The following NDUFA12 variants were observed in gnomAD, a reference collection of about 807,000 sequenced individuals.
NDUFA12 encodes NADH dehydrogenase [ubiquinone] 1 alpha subcomplex subunit 12.
In NDUFA12, 17 loss-of-function variants were observed where a neutral mutation model predicts 20.3. The ratio of observed to expected loss-of-function variants is 0.84; its 90% CI spans 0.57 to 1.26. NDUFA12 has a LOEUF of 1.26. NDUFA12 is among the 50% of genes most tolerant of loss of function. The pLI, the probability that NDUFA12 is intolerant of heterozygous loss-of-function variation, is 0.00. For missense variants in NDUFA12, 191 were observed against 183.7 expected, an observed-to-expected ratio of 1.04 and a Z score of -0.23; for synonymous variants, 72 against 63.6, an observed-to-expected ratio of 1.13 and a Z score of -0.63.
At chr12:95,003,533 C>T in intron 1 of NDUFA12, 62 bp downstream of exon 1, 1 of 1,562,816 alleles carries the variant, frequency 6.4e-7, no homozygotes, top group Middle Eastern at 1.7e-4. Flanking sequence ...GGGACCCCTT[C>T]CAAGAAATCA....
chr12:94,986,233 CCT>C (rs1874436838), intron 3 of NDUFA12, among the ~76,000 whole-genome samples: 1 of 151,554 alleles, frequency 6.6e-6, no homozygotes, highest in Admixed American at 6.6e-5. Context: ...AGAACAAGAC[CCT>C]GTCTTCAAAA....
chr12:94,991,126 A>C (rs976660398), intron 3 of NDUFA12, among the ~76,000 whole-genome samples: 1 of 151,894 alleles, frequency 6.6e-6, no homozygotes, highest in Non-Finnish European at 1.5e-5. Context: ...TGTACTAAAA[A>C]TACAAAAAAA....
At chr12:95,002,703 A>C (rs564868490) in intron 2 of NDUFA12, 36 bp downstream of exon 2, 4 of 1,463,384 alleles carry the variant, frequency 2.7e-6, no homozygotes, top group Non-Finnish European at 3.8e-6. Context: ...TCCCAATCCC[A>C]ATCCAATTAT....
At chr12:94,980,353 C>G (rs1277382734) in intron 3 of NDUFA12, among the ~76,000 whole-genome samples, 1 of 152,162 alleles carries the variant, frequency 6.6e-6, no homozygotes, top group Non-Finnish European at 1.5e-5. Flanking sequence ...ACCAACCACT[C>G]AGGCCCCAAA....
chr12:94,975,011 G>A (rs1209979450), intron 3 of NDUFA12, among the ~76,000 whole-genome samples: 3 of 152,158 alleles, frequency 2.0e-5, no homozygotes, highest in Non-Finnish European at 4.4e-5. Flanking sequence ...AACTAAAAGA[G>A]TATAATTGGA....
chr12:94,971,933 T>C (rs1873901428), intron 3 of NDUFA12: 2 of 447,134 alleles, frequency 4.5e-6, no homozygotes, highest in Non-Finnish European at 8.3e-6. Context: ...CTTTCTTTCT[T>C]TCTTTTGGAG....
At chr12:94,973,998 G>C (rs1184270297) in intron 3 of NDUFA12, among the ~76,000 whole-genome samples, 1 of 131,424 alleles carries the variant, frequency 7.6e-6, no homozygotes, top group Non-Finnish European at 1.6e-5. Flanking sequence ...TTGAGACAGA[G>C]TCTTGCTCTG....
intron 3 of NDUFA12, among the ~76,000 whole-genome samples, chr12:94,974,901 G>A (rs895056506): frequency 6.6e-6 from 1 of 151,802 alleles, no homozygotes; most frequent in Non-Finnish European, 1.5e-5. Flanking sequence ...TGGTTAATGG[G>A]TATAAAAAAA....
At chr12:94,993,593 C>G (rs1305459076) in intron 3 of NDUFA12, among the ~76,000 whole-genome samples, 2 of 110,384 alleles carry the variant, frequency 1.8e-5, no homozygotes. Context: ...CCACTGCACT[C>G]TAGCTTGGGC....
intron 3 of NDUFA12, among the ~76,000 whole-genome samples, chr12:94,975,882 C>CA (rs552053643): frequency 6.6e-6 from 1 of 151,956 alleles, no homozygotes; most frequent in Non-Finnish European, 1.5e-5. Flanking sequence ...CCCATGTCTA[C>CA]AAAAAATGCA....
chr12:94,995,095 C>A (rs528162455), intron 2 of NDUFA12, among the ~76,000 whole-genome samples: 2 of 152,232 alleles, frequency 1.3e-5, no homozygotes, highest in South Asian at 4.2e-4. Context: ...CTCTTACCTG[C>A]CAATAGGGAA....
At chr12:94,980,168 G>A (rs914476639) in intron 3 of NDUFA12, among the ~76,000 whole-genome samples, 5 of 152,044 alleles carry the variant, frequency 3.3e-5, no homozygotes, top group Non-Finnish European at 7.4e-5. Flanking sequence ...ATTGTCCTAA[G>A]CTCGATTTGT....
intron 3 of NDUFA12, among the ~76,000 whole-genome samples, chr12:94,974,255 G>A (rs373590805): frequency 2.0e-5 from 3 of 151,830 alleles, no homozygotes; most frequent in African/African-American, 7.3e-5. Context: ...TAAGGCTACC[G>A]CTCTGGTCCA....
chr12:95,003,583 C>G lies in NDUFA12; in HGVS notation c.86+12G>C. On this transcript the variant is annotated intron_variant, in intron 1 of 3. Transcript: ENST00000327772. The stretch of plus-strand genomic sequence containing the variant: ...AGCCCCAGAGGCCAAGAGCATGGCT[C>G]TGGCCGCCTACCTGAAAAAAACCCG... The G allele has an allele frequency of 7.4e-6, 12 of 1,613,754 alleles. No individual in the cohort carries two copies. The highest frequency in any genetic ancestry group is 1.0e-5 in the Non-Finnish European group (12 of 1,179,748).
Position 94,971,529 on chromosome 12 carries a change from C to T in NDUFA12, c.349G>A (p.Val117Met), listed in dbSNP as rs748006665. 3.1e-6 allele frequency: 5 copies of T among 1,614,014 alleles called. No homozygotes were observed. Among genetic ancestry groups the T allele is most frequent in the Admixed American group, 1.7e-5 (1 of 59,982 alleles). Residue 117 changes from valine to methionine, a missense_variant, in exon 4 of 4, where the codon GTG (valine) becomes ATG (methionine). Physicochemically the swap from Val to Met is conservative, Grantham distance 21. Transcript: ENST00000327772. Reference protein sequence around the residue: ...KFIWTNHKFNVTGTPEQYVPY... With the variant: ...KFIWTNHKFNMTGTPEQYVPY... ...ACATATTGTTCTGGGGTGCCAGTCA[C>T]GTTGAATTTATGGTTCGTCCAAATG... is the stretch of plus-strand genomic sequence containing the variant.
At chr12:94,973,898 G>C (rs1031183765) in intron 3 of NDUFA12, among the ~76,000 whole-genome samples, 16 of 150,810 alleles carry the variant, frequency 1.1e-4, no homozygotes, top group Admixed American at 1.1e-3. Context: ...ATTAAATAAG[G>C]GGTAAAAAAA....
intron 3 of NDUFA12, among the ~76,000 whole-genome samples, chr12:94,982,440 ATT>A (rs1009526493): frequency 6.0e-5 from 9 of 150,836 alleles, no homozygotes; most frequent in Admixed American, 2.0e-4. Context: ...GGCCCGGCTA[ATT>A]TTTTTTTGTA....
At chr12:94,979,570 C>T (rs1442794710) in intron 3 of NDUFA12, among the ~76,000 whole-genome samples, 1 of 151,928 alleles carries the variant, frequency 6.6e-6, no homozygotes, top group Non-Finnish European at 1.5e-5. Context: ...GTGGCTTACA[C>T]CTGTAATCCC....
At chr12:95,002,390 C>A (rs1270278257) in intron 2 of NDUFA12, among the ~76,000 whole-genome samples, 1 of 124,844 alleles carries the variant, frequency 8.0e-6, no homozygotes, top group Non-Finnish European at 1.6e-5. Flanking sequence ...TGCAGTGAGC[C>A]GAGATCGCGC....
Sources: gnomAD v4.1 joint callset for allele counts (sites outside exome capture counted in the v4.1 genomes callset) on GRCh38, gnomAD v4.1.1 for gene constraint, MANE v1.5 for transcripts, NCBI Gene and HGNC (gene_info 2026-07-23, HGNC 2026-07-21) for gene names.